PIGN: variants seen among roughly 807,000 people sequenced by gnomAD.
PIGN encodes GPI ethanolamine phosphate transferase 1.
A neutral mutation model predicts 125.4 loss-of-function variants in PIGN; 117 were observed. That is an observed-to-expected ratio of 0.93 (90% CI 0.80 to 1.09). PIGN has a LOEUF of 1.09. Ranked by LOEUF, PIGN falls within the 50% of genes least tolerant of loss-of-function variation. The probability of loss-of-function intolerance (pLI) is 0.00; values close to 1 mark genes in which losing one functional copy is unlikely to be tolerated. For synonymous variants in PIGN, 392 were observed against 377.8 expected, an observed-to-expected ratio of 1.04 and a Z score of -0.44; for missense variants, 1,075 against 1,094.9, an observed-to-expected ratio of 0.98 and a Z score of 0.26.
At chr18:62,099,289 T>A (rs1442552909) in intron 22 of PIGN, among the ~76,000 whole-genome samples, 1 of 152,106 alleles carries the variant, frequency 6.6e-6, no homozygotes, top group Admixed American at 6.6e-5. Context: ...GATACCAAAG[T>A]ATACTTTAGA....
At chr18:62,160,881 G>A (rs1306801728) in intron 4 of PIGN, among the ~76,000 whole-genome samples, 1 of 152,096 alleles carries the variant, frequency 6.6e-6, no homozygotes, top group African/African-American at 2.4e-5. Flanking sequence ...GGACAATTTA[G>A]CTTAAGCAGC....
chr18:62,060,410 A>G (rs2032046981), intron 30 of PIGN, among the ~76,000 whole-genome samples: 1 of 152,198 alleles, frequency 6.6e-6, no homozygotes, highest in Non-Finnish European at 1.5e-5. Flanking sequence ...TTTCTCCTCT[A>G]TAAGGGTGAT....
chr18:62,096,581 G>A (rs1245817890), intron 22 of PIGN, among the ~76,000 whole-genome samples: 1 of 98,780 alleles, frequency 1.0e-5, no homozygotes, highest in Non-Finnish European at 1.8e-5. Flanking sequence ...TGCACATTGT[G>A]CAGGTTAGTT....
chr18:62,111,640 C>A (rs1441904412), intron 16 of PIGN, among the ~76,000 whole-genome samples: 1 of 152,124 alleles, frequency 6.6e-6, no homozygotes, highest in Non-Finnish European at 1.5e-5. Flanking sequence ...GAATCTGAAT[C>A]TTTTATTTCT....
chr18:62,033,809 C>T (rs1278590943), intron 23 of PIGN, among the ~76,000 whole-genome samples: 1 of 152,156 alleles, frequency 6.6e-6, no homozygotes, highest in East Asian at 1.9e-4. Context: ...CACTAAGAAG[C>T]TAATGTTCTT....
At chr18:62,155,787 A>C (rs917310003) in intron 6 of PIGN, among the ~76,000 whole-genome samples, 5 of 152,116 alleles carry the variant, frequency 3.3e-5, no homozygotes, top group African/African-American at 1.2e-4. Context: ...AGCCAGAAAT[A>C]GGAATGTTAG....
chr18:62,069,636 G>C (rs1380284578), intron 30 of PIGN: 1 of 152,186 alleles, frequency 6.6e-6, no homozygotes, highest in Non-Finnish European at 1.5e-5. Flanking sequence ...GAGATACCCA[G>C]AGTCATCAAA....
chr18:62,071,311 C>T (rs1420126773), intron 30 of PIGN, among the ~76,000 whole-genome samples: 1 of 152,136 alleles, frequency 6.6e-6, no homozygotes, highest in East Asian at 1.9e-4. Context: ...ACCGCGGATT[C>T]AAGCAGTTTA....
rs970059542 is a variant in PIGN at position 62,113,299 on chromosome 18, C to T, written c.1269G>A (p.Glu423=). ...KFDEVVSLCK[E]LIHLALKGLS... The stretch of plus-strand genomic sequence containing the variant: ...ATCCTTTCAATGCAAGATGAATTAG[C>T]TCCTTGCAAAGGGAGACCTATGGAG... Residue 423 remains glutamate (E), a synonymous_variant, in exon 16 of 31, where the codon GAG becomes GAA. Coordinates refer to ENST00000640252, the MANE Select transcript of PIGN (RefSeq NM_176787.5). 6.2e-7 allele frequency: 1 copy of T among 1,609,588 alleles called. No individual in the cohort carries two copies. Among genetic ancestry groups the T allele is most frequent in the Non-Finnish European group, 8.5e-7 (1 of 1,178,064 alleles).
intron 27 of PIGN, 45 bp from the exon 28 acceptor site, chr18:62,082,791 G>C (rs559023276): frequency 2.5e-5 from 26 of 1,031,582 alleles, no homozygotes; most frequent in Middle Eastern, 2.1e-4. Flanking sequence ...TGAAGCATCT[G>C]AAACACTTTT....
At chr18:62,137,185 G>A (rs1014093281) in intron 14 of PIGN, 12 of 398,942 alleles carry the variant, frequency 3.0e-5, no homozygotes, top group African/African-American at 2.3e-4. Context: ...TTTCTCCTGC[G>A]CTGGATGCTG....
chr18:62,018,471 G>T (rs1420937390), intron 23 of PIGN, among the ~76,000 whole-genome samples: 3 of 152,188 alleles, frequency 2.0e-5, no homozygotes, highest in Non-Finnish European at 2.9e-5. Context: ...CACATGCTTA[G>T]CAGCCAGGAC....
At chr18:62,171,374 T>C (rs1286482379) in intron 1 of PIGN, among the ~76,000 whole-genome samples, 1 of 152,222 alleles carries the variant, frequency 6.6e-6, no homozygotes, top group Non-Finnish European at 1.5e-5. Flanking sequence ...CTTTTGTGTA[T>C]ATGCTTTTTA....
rs1047629811 is a variant in PIGN at position 62,044,805 on chromosome 18, C to A, written c.*1051G>T. On this transcript the variant is annotated 3_prime_UTR_variant, in exon 31 of 31. Coordinates refer to ENST00000640252, the MANE Select transcript of PIGN (RefSeq NM_176787.5). ...GCCAAAGCTACTAGCACACCACGGGCAAAAGGCCAACTCTGCAGGGATATG... is the reference window on the plus strand; with the variant it reads ...GCCAAAGCTACTAGCACACCACGGGAAAAAGGCCAACTCTGCAGGGATATG... 6.6e-6 allele frequency: 1 copy of A among 152,160 alleles called. No homozygotes were observed. Among genetic ancestry groups the A allele is most frequent in the Non-Finnish European group, 1.5e-5 (1 of 68,034 alleles). 9.4% of individuals were successfully genotyped at this position (152,160 alleles called of 1,614,324 possible).
intron 14 of PIGN, among the ~76,000 whole-genome samples, chr18:62,131,263 TAAC>T (rs1382625105): frequency 1.3e-5 from 2 of 152,186 alleles, no homozygotes; most frequent in Non-Finnish European, 1.5e-5. Flanking sequence ...AATAAAAAAG[TAAC>T]AAATATTTTT....
At chr18:62,074,996 G>C (rs1427816053) in intron 28 of PIGN, 175 bp from the exon 29 acceptor site, 2 of 487,360 alleles carry the variant, frequency 4.1e-6, no homozygotes, top group Non-Finnish European at 7.4e-6. Flanking sequence ...CCATAGAGAT[G>C]AGCTGGACTG....
At chr18:62,064,042 C>T (rs1489973206) in intron 30 of PIGN, among the ~76,000 whole-genome samples, 5 of 152,144 alleles carry the variant, frequency 3.3e-5, no homozygotes, top group Admixed American at 2.6e-4. Flanking sequence ...CAAATCTGCA[C>T]GTTGTGCACA....
chr18:62,140,520 T>C, intron 11 of PIGN, 41 bp from the exon 12 acceptor site: 2 of 1,027,230 alleles, frequency 1.9e-6, no homozygotes, highest in Non-Finnish European at 1.5e-6. Flanking sequence ...TCTATGGACA[T>C]CAACAAAGAA....
At chr18:62,133,350 G>C (rs181721055) in intron 14 of PIGN, among the ~76,000 whole-genome samples, 5 of 152,238 alleles carry the variant, frequency 3.3e-5, no homozygotes, top group Admixed American at 2.6e-4. Flanking sequence ...AAATCTATAT[G>C]TTTGGCCTGC....
Sources: allele counts gnomAD v4.1 joint callset (sites outside exome capture counted in the v4.1 genomes callset), GRCh38; gene constraint gnomAD v4.1.1; transcripts MANE v1.5; gene names NCBI Gene and HGNC (gene_info 2026-07-23, HGNC 2026-07-21).